Variants in JAG1 observed in about 807,000 individuals in gnomAD.
JAG1 encodes protein jagged-1.
Under a neutral mutation model 148.7 loss-of-function variants are expected in JAG1, and 23 were observed. The observed-to-expected ratio is 0.15, with a 90% CI of 0.11 to 0.22. JAG1 has a LOEUF of 0.22. JAG1 is among the 10% of genes least tolerant of loss of function. The pLI, the probability that JAG1 is intolerant of heterozygous loss-of-function variation, is 1.00. For synonymous variants in JAG1, 572 were observed against 598.3 expected, an observed-to-expected ratio of 0.96 and a Z score of 0.64; for missense variants, 1,054 against 1,611.2, an observed-to-expected ratio of 0.65 and a Z score of 5.92.
chr20:10,659,659 T>C (rs2067402850), intron 3 of JAG1, among the ~76,000 whole-genome samples: 1 of 149,360 alleles, frequency 6.7e-6, no homozygotes, highest in Middle Eastern at 3.4e-3. Context: ...GCATTCCACC[T>C]TTCTCCTCTG....
chr20:10,664,541 C>G (rs1033764331), intron 2 of JAG1, among the ~76,000 whole-genome samples: 3 of 152,116 alleles, frequency 2.0e-5, no homozygotes, highest in Non-Finnish European at 4.4e-5. Flanking sequence ...CCTTTGAAAA[C>G]TCTGTCTATG....
In JAG1 at chr20:10,640,817, T is replaced by C; in HGVS notation, c.3165A>G (p.Val1055=). 1 of 1,614,208 alleles carries C rather than the reference T, an allele frequency of 6.2e-7. No individual in the cohort carries two copies. The highest frequency in any genetic ancestry group is 8.5e-7 in the Non-Finnish European group (1 of 1,180,038). ...NSSLIAAVAE[V]RVQRRPLKNR... is the part of the protein sequence containing the mutation. ...TCTTCAGAGGCCGCCTCTGAACTCT[T>C]ACTTCTGCAACGGCAGCAATCAGCG... Residue 1055 remains valine (V), a synonymous_variant, in exon 25 of 26, where the codon GTA becomes GTG. Coordinates refer to ENST00000254958, the MANE Select transcript of JAG1 (RefSeq NM_000214.3).
chr20:10,640,902 G>A lies in JAG1; in HGVS notation c.3080C>T (p.Pro1027Leu), dbSNP rs759213695. ...TATTTTGTCAGTGATTTCCTTGATC[G>A]GGTTCCCATCATCCCGTATATCTTC... The part of the protein sequence containing the change: ...SAEDIRDDGN[P>L]IKEITDKIID... The change falls in exon 25 of 26, where the codon CCG becomes CTG. Residue 1027 changes from proline (P) to leucine (L), a missense_variant. Pro to Leu is a moderately conservative substitution (Grantham distance 98, BLOSUM62 -3). Around this residue, in one of 6 missense-constraint regions of JAG1, gnomAD observed 342 missense variants for 514.6 expected, o/e 0.66. Coordinates refer to ENST00000254958, the MANE Select transcript of JAG1 (RefSeq NM_000214.3). 5 of 1,613,938 alleles carry A rather than the reference G, an allele frequency of 3.1e-6. No individual in the cohort carries two copies. The highest frequency in any genetic ancestry group is 2.2e-5 in the East Asian group (1 of 44,886).
At chr20:10,656,313 A>G (rs2067378795) in intron 5 of JAG1, 85 bp downstream of exon 5, 4 of 1,110,218 alleles carry the variant, frequency 3.6e-6, no homozygotes, top group Non-Finnish European at 5.5e-6. Flanking sequence ...TCCAAGGAAA[A>G]AAGAGGCATA....
intron 3 of JAG1, among the ~76,000 whole-genome samples, chr20:10,660,176 T>C (rs1194662605): frequency 2.6e-5 from 4 of 152,218 alleles, no homozygotes; most frequent in African/African-American, 9.6e-5. Context: ...AAGGGACTCC[T>C]GGGTGGCTTC....
Position 10,640,871 on chromosome 20 carries a change from A to T in JAG1, c.3111T>A (p.Asp1037Glu). The T allele has an allele frequency of 6.2e-7, 1 of 1,614,086 alleles. No homozygotes were observed. The highest frequency in any genetic ancestry group is 8.5e-7 in the Non-Finnish European group (1 of 1,179,984). The change falls in exon 25 of 26, where the codon GAT becomes GAA. Residue 1037 changes from aspartate (D) to glutamate (E), a missense_variant. Around this residue, in one of 6 missense-constraint regions of JAG1, gnomAD observed 342 missense variants for 514.6 expected, o/e 0.66. Transcript: ENST00000254958. Reference protein sequence around the residue: ...PIKEITDKIIDLVSKRDGNSS... With the variant: ...PIKEITDKIIELVSKRDGNSS... ...TGTTTCCATCACGTTTACTAACAAG[A>T]TCGATTATTTTGTCAGTGATTTCCT...
chr20:10,672,617 A>T, intron 2 of JAG1, 84 bp downstream of exon 2: 1 of 1,377,816 alleles, frequency 7.3e-7, no homozygotes, highest in Non-Finnish European at 1.0e-6. Flanking sequence ...AAAGCCCTTT[A>T]AATCCCTCTC....
chr20:10,672,641 G>C, intron 2 of JAG1, 60 bp downstream of exon 2: 1 of 1,543,558 alleles, frequency 6.5e-7, no homozygotes. Context: ...AGGGATAACA[G>C]GGCTCGGCCA....
chr20:10,667,481 A>T (rs535899579), intron 2 of JAG1, among the ~76,000 whole-genome samples: 30 of 152,276 alleles, frequency 2.0e-4, no homozygotes, highest in African/African-American at 6.5e-4. Flanking sequence ...TATTCCAGTC[A>T]CAAAACATAT....
chr20:10,649,690 A>T, intron 9 of JAG1, 55 bp from the exon 10 acceptor site: 1 of 1,008,704 alleles, frequency 9.9e-7, no homozygotes, highest in East Asian at 2.5e-5. Flanking sequence ...CATCTCCCCC[A>T]CCTTGGAAAA....
At chr20:10,666,813 T>C (rs930200581) in intron 2 of JAG1, among the ~76,000 whole-genome samples, 1 of 152,164 alleles carries the variant, frequency 6.6e-6, no homozygotes, top group South Asian at 2.1e-4. Context: ...CGGAATTGCT[T>C]TTTGGAAGAT....
At chr20:10,649,768 T>C in intron 9 of JAG1, 133 bp from the exon 10 acceptor site, 1 of 696,160 alleles carries the variant, frequency 1.4e-6, no homozygotes. Context: ...TAAAAGATAC[T>C]AGAGGTTCCC....
At position 10,672,934 on chromosome 20, in the gene JAG1, C is replaced by G; in HGVS notation, c.154G>C (p.Gly52Arg). 6.2e-7 allele frequency: 1 copy of G among 1,613,156 alleles called. No individual in the cohort carries two copies. Among genetic ancestry groups the G allele is most frequent in the Non-Finnish European group, 8.5e-7 (1 of 1,180,006 alleles). ...MQNVNGELQN[G>R]NCCGGARNPG... ...TTCCGGGCGCCGCCGCAGCAGTTCC[C>G]GTTCTGCAGCTCCCCGTTCACGTTC... is the stretch of plus-strand genomic sequence containing the variant. The change falls in exon 2 of 26, where the codon GGG becomes CGG. Residue 52 changes from glycine (G) to arginine (R), a missense_variant. Transcript: ENST00000254958.
At position 10,645,356 on chromosome 20, in the gene JAG1, G is replaced by A. The variant is rs1436816052; in HGVS notation, c.2113C>T (p.Arg705Cys). The change falls in exon 16 of 26, where the codon CGT becomes TGT. Residue 705 changes from arginine (R) to cysteine (C), a missense_variant and splice_region_variant. Arg to Cys is a radical substitution (Grantham distance 180, BLOSUM62 -3). Around this residue, in one of 6 missense-constraint regions of JAG1, gnomAD observed 342 missense variants for 514.6 expected, o/e 0.66. Transcript: ENST00000254958. The surrounding 1 kb of genome is among the most constrained non-coding windows in gnomAD (Gnocchi z 6.1). Reference protein sequence around the residue: ...NGWKGKTCHSRDSQCDEATCN... With the variant: ...NGWKGKTCHSCDSQCDEATCN... Reference sequence around the variant, plus strand: ...GCATCCAAGGCCAACTACCACTTACGTGAGTGGCAGGTCTTTCCTTTCCAC... The same window carrying A: ...GCATCCAAGGCCAACTACCACTTACATGAGTGGCAGGTCTTTCCTTTCCAC... The A allele has an allele frequency of 3.7e-6, 6 of 1,612,966 alleles. No homozygotes were observed. The highest frequency in any genetic ancestry group is 2.2e-5 in the East Asian group (1 of 44,854).
intron 10 of JAG1, 90 bp downstream of exon 10, chr20:10,649,432 G>T: frequency 1.2e-6 from 1 of 814,602 alleles, no homozygotes; most frequent in Non-Finnish European, 2.1e-6. Flanking sequence ...TCCTTCTACT[G>T]CTCAAGTCCT....
chr20:10,659,742 CTTTTTG>C lies in JAG1; in HGVS notation c.440-1026_440-1021del, dbSNP rs2067403475. On this transcript the variant is annotated intron_variant, in intron 3 of 25. Transcript: ENST00000254958. ...AAATTGAGGGGAGGGTTTCTTTTTT[CTTTTTG>C]TTTTTTTGAGCCAAGTCATGCTCCT... 2.7e-5 allele frequency among the ~76,000 whole-genome samples: 4 copies of C among 150,384 alleles called. No individual in the cohort carries two copies. In the South Asian group the frequency reaches 6.4e-4, roughly 24 times the overall value.
chr20:10,669,531 G>A (rs1452430493), intron 2 of JAG1, among the ~76,000 whole-genome samples: 2 of 88,322 alleles, frequency 2.3e-5, no homozygotes, highest in African/African-American at 4.4e-5. Flanking sequence ...GAAGAATCAC[G>A]TTTCATTGGA....
chr20:10,661,696 C>T (rs1277026105), intron 3 of JAG1, among the ~76,000 whole-genome samples: 1 of 152,110 alleles, frequency 6.6e-6, no homozygotes, highest in Non-Finnish European at 1.5e-5. Flanking sequence ...AATGTTATGG[C>T]TCTGAAAAGA....
At chr20:10,648,919 T>A (rs1033242128) in intron 11 of JAG1, 142 bp downstream of exon 11, 1 of 892,298 alleles carries the variant, frequency 1.1e-6, no homozygotes, top group African/African-American at 1.7e-5. Flanking sequence ...TGGGGTAACA[T>A]AAGCCCTAGC....
Sources: gnomAD v4.1 joint callset for allele counts (sites outside exome capture counted in the v4.1 genomes callset) on GRCh38, gnomAD v4.1.1 for gene constraint, gnomAD v4.1.1 regional missense constraint, Gnocchi (gnomAD v3.1) non-coding constraint, MANE v1.5 for transcripts, NCBI Gene and HGNC (gene_info 2026-07-23, HGNC 2026-07-21) for gene names.